The following TANC2 variants were observed in gnomAD, a reference collection of about 807,000 sequenced individuals.
The protein encoded by TANC2 is protein TANC2.
In TANC2, 26 loss-of-function variants were observed where a neutral mutation model predicts 210.5. The ratio of observed to expected loss-of-function variants is 0.12; its 90% CI spans 0.09 to 0.17. TANC2 has a LOEUF of 0.17. Among genes scored for constraint, TANC2 ranks in the 10% least tolerant of loss-of-function variants. The probability of loss-of-function intolerance (pLI) is 1.00; values close to 1 mark genes in which losing one functional copy is unlikely to be tolerated. For synonymous variants in TANC2, 931 were observed against 967.1 expected, an observed-to-expected ratio of 0.96 and a Z score of 0.69; for missense variants, 2,129 against 2,608.9, an observed-to-expected ratio of 0.82 and a Z score of 4.01.
intron 7 of TANC2, among the ~76,000 whole-genome samples, chr17:63,214,938 G>A (rs2041984528): frequency 6.6e-6 from 1 of 152,106 alleles, no homozygotes; most frequent in African/African-American, 2.4e-5. Flanking sequence ...CCTTCAAGTT[G>A]GTAGTCAGTT....
intron 4 of TANC2, among the ~76,000 whole-genome samples, chr17:63,139,145 T>C (rs1422904274): frequency 6.6e-6 from 1 of 152,234 alleles, no homozygotes; most frequent in South Asian, 2.1e-4. Flanking sequence ...TTTTAACTTA[T>C]TACTTTCTCT....
chr17:63,251,240 C>A (rs1042939465), intron 8 of TANC2, among the ~76,000 whole-genome samples: 1 of 152,090 alleles, frequency 6.6e-6, no homozygotes, highest in Non-Finnish European at 1.5e-5. Flanking sequence ...AGAAGGAGAA[C>A]CAATTAATTC....
chr17:63,134,920 A>C (rs1242286006), intron 4 of TANC2, among the ~76,000 whole-genome samples: 1 of 152,152 alleles, frequency 6.6e-6, no homozygotes, highest in African/African-American at 2.4e-5. Context: ...CATACTAACA[A>C]TTTTGACAAC....
chr17:63,284,787 T>C (rs1178058125), intron 9 of TANC2, among the ~76,000 whole-genome samples: 4 of 152,258 alleles, frequency 2.6e-5, no homozygotes, highest in African/African-American at 9.6e-5. Flanking sequence ...ATATCCTTGC[T>C]GATTTTCTAC....
chr17:63,411,073 G>A (rs187914674), intron 21 of TANC2, among the ~76,000 whole-genome samples: 112 of 152,158 alleles, frequency 7.4e-4, no homozygotes, highest in Middle Eastern at 3.4e-3. Context: ...GGCAAGTCAT[G>A]GGGGAAGAAA....
At chr17:63,334,330 G>A (rs1267731465) in intron 11 of TANC2, among the ~76,000 whole-genome samples, 4 of 152,164 alleles carry the variant, frequency 2.6e-5, no homozygotes, top group Non-Finnish European at 5.9e-5. Context: ...GAGGCTTCTT[G>A]AAATAACACA....
intron 9 of TANC2, among the ~76,000 whole-genome samples, chr17:63,303,538 C>T (rs1047663143): frequency 9.2e-5 from 14 of 152,136 alleles, no homozygotes; most frequent in Non-Finnish European, 1.8e-4. Flanking sequence ...TTTCTTCCTT[C>T]ATTTCAACCT....
chr17:63,200,644 A>G, intron 6 of TANC2, 127 bp from the exon 7 acceptor site: 1 of 790,462 alleles, frequency 1.3e-6, no homozygotes, highest in East Asian at 2.6e-5. Flanking sequence ...GCAAAAACAA[A>G]TAGAGCCTAA....
At chr17:63,043,982 C>T (rs1391158110) in intron 2 of TANC2, among the ~76,000 whole-genome samples, 2 of 152,160 alleles carry the variant, frequency 1.3e-5, no homozygotes, top group Admixed American at 1.3e-4. Flanking sequence ...CTTCTCTTTA[C>T]TTCTTCATTC....
At chr17:63,350,450 A>G (rs1195580004) in intron 12 of TANC2, among the ~76,000 whole-genome samples, 1 of 152,210 alleles carries the variant, frequency 6.6e-6, no homozygotes, top group East Asian at 1.9e-4. Flanking sequence ...ATAAGCATTT[A>G]TCAAGTGCAG....
intron 4 of TANC2, chr17:63,150,163 A>T (rs1355319481): frequency 2.0e-5 from 3 of 152,194 alleles, no homozygotes; most frequent in African/African-American, 7.2e-5. Flanking sequence ...GAGGACTTTG[A>T]AGAACATGCA....
intron 9 of TANC2, among the ~76,000 whole-genome samples, chr17:63,294,485 A>G (rs2044475316): frequency 1.3e-5 from 2 of 152,150 alleles, no homozygotes; most frequent in Admixed American, 6.5e-5. Flanking sequence ...CTTGAAAAAA[A>G]AACAAAAAGA....
intron 9 of TANC2, among the ~76,000 whole-genome samples, chr17:63,276,314 G>A (rs922644154): frequency 4.6e-5 from 7 of 151,936 alleles, no homozygotes; most frequent in African/African-American, 1.7e-4. Context: ...CACCTTAAAA[G>A]CCAACACTCT....
intron 3 of TANC2, among the ~76,000 whole-genome samples, chr17:63,093,898 C>T (rs1034011652): frequency 5.3e-5 from 8 of 152,060 alleles, no homozygotes; most frequent in Non-Finnish European, 1.2e-4. Context: ...ACTACAGGCA[C>T]ATGCCACAAC....
intron 4 of TANC2, chr17:63,148,590 A>G (rs2039542341): frequency 6.6e-6 from 1 of 152,190 alleles, no homozygotes; most frequent in South Asian, 2.1e-4. Flanking sequence ...TCCCAGTGTC[A>G]GTTCCAATCA....
intron 8 of TANC2, among the ~76,000 whole-genome samples, chr17:63,262,794 GAA>G (rs2043405690): frequency 6.6e-6 from 1 of 152,114 alleles, no homozygotes; most frequent in Non-Finnish European, 1.5e-5. Context: ...AAAAAAGAAA[GAA>G]AGAATTCATG....
chr17:63,175,754 A>G (rs1475676281), intron 5 of TANC2, among the ~76,000 whole-genome samples: 5 of 152,198 alleles, frequency 3.3e-5, no homozygotes, highest in South Asian at 2.1e-4. Flanking sequence ...AGGAGAAAAT[A>G]TCAGTGTACA....
chr17:63,226,670 G>A (rs1333655080), intron 7 of TANC2, among the ~76,000 whole-genome samples: 1 of 152,060 alleles, frequency 6.6e-6, no homozygotes, highest in Non-Finnish European at 1.5e-5. Flanking sequence ...GGAAATGTGT[G>A]GTAGCAATTT....
At chr17:63,368,004 T>A (rs9902439) in intron 14 of TANC2, among the ~76,000 whole-genome samples, 89,634 of 152,078 alleles carry the variant, frequency 0.59, 29,000 homozygotes, top group African/African-American at 0.86. Context: ...TTGGGCTACT[T>A]ATTAAGAGGT....
Sources: allele counts gnomAD v4.1 joint callset (sites outside exome capture counted in the v4.1 genomes callset), GRCh38; gene constraint gnomAD v4.1.1; transcripts MANE v1.5; gene names NCBI Gene and HGNC (gene_info 2026-07-23, HGNC 2026-07-21).